The following SERPING1 variants were observed in gnomAD, a reference collection of about 807,000 sequenced individuals.
The protein encoded by SERPING1 is serpin family G member 1.
SERPING1 carries 5 observed loss-of-function variants against 34.1 expected under a neutral mutation model. The ratio of observed to expected loss-of-function variants is 0.15; its 90% CI spans 0.08 to 0.31. The LOEUF is 0.31. Ranked by LOEUF, SERPING1 falls within the 10% of genes least tolerant of loss-of-function variation. The probability of loss-of-function intolerance (pLI) is 1.00; values close to 1 mark genes in which losing one functional copy is unlikely to be tolerated. For synonymous variants in SERPING1, 225 were observed against 242.4 expected, an observed-to-expected ratio of 0.93 and a Z score of 0.67; for missense variants, 505 against 609.5, an observed-to-expected ratio of 0.83 and a Z score of 1.81.
At position 57,606,083 on chromosome 11, in the gene SERPING1, C is replaced by G; in HGVS notation, c.759C>G (p.Asn253Lys). The G allele has an allele frequency of 1.2e-6, 2 of 1,614,176 alleles. No homozygotes were observed. Among genetic ancestry groups the G allele is most frequent in the South Asian group, 2.2e-5 (2 of 91,076 alleles). ...GCAGCAGCCCCAGAGTCCTAAGCAACAACAGTGACGCCAACTTGGAGCTCA... is the reference window on the plus strand; with the variant it reads ...GCAGCAGCCCCAGAGTCCTAAGCAAGAACAGTGACGCCAACTTGGAGCTCA... ...LYSSSPRVLS[N>K]NSDANLELIN... The change falls in exon 5 of 8, where the codon AAC becomes AAG. Residue 253 changes from asparagine to lysine, a missense_variant. Coordinates refer to ENST00000278407, the MANE Select transcript of SERPING1 (RefSeq NM_000062.3).
chr11:57,608,099 A>G (rs781172679), intron 6 of SERPING1, among the ~76,000 whole-genome samples: 20 of 152,238 alleles, frequency 1.3e-4, no homozygotes, highest in Non-Finnish European at 1.2e-4. Context: ...TAAGGCACAG[A>G]AGAGTGAATA....
Position 57,614,379 on chromosome 11 carries a change from C to G in SERPING1, c.1301C>G (p.Pro434Arg). The G allele has an allele frequency of 6.2e-7, 1 of 1,614,088 alleles. No homozygotes were observed. Residue 434 changes from proline (P) to arginine (R), a missense_variant, in exon 8 of 8, where the codon CCA (proline) becomes CGA (arginine). By Grantham distance (103) the Pro-to-Arg change is moderately radical. Coordinates refer to ENST00000278407, the MANE Select transcript of SERPING1 (RefSeq NM_000062.3). ...AACCTGTGTGGGCTGACAGAGGACCCAGATCTTCAGGTTTCTGCGATGCAG... is the reference window on the plus strand; with the variant it reads ...AACCTGTGTGGGCTGACAGAGGACCGAGATCTTCAGGTTTCTGCGATGCAG... ...DLNLCGLTED[P>R]DLQVSAMQHQ...
chr11:57,610,813 C>T (rs115881723), intron 6 of SERPING1, among the ~76,000 whole-genome samples: 220 of 152,304 alleles, frequency 1.4e-3, no homozygotes, highest in African/African-American at 5.1e-3. Flanking sequence ...AAAATGTCTC[C>T]AGACATTACC....
intron 6 of SERPING1, among the ~76,000 whole-genome samples, chr11:57,608,816 G>GTT (rs368974252): frequency 7.2e-4 from 100 of 139,852 alleles, no homozygotes; most frequent in Admixed American, 9.4e-4. Context: ...CCCAGCCTGA[G>GTT]TTTTTTTTTT....
rs999669907 is a variant in SERPING1 at position 57,612,497 on chromosome 11, C to G, written c.1249+561C>G. On this transcript the variant is annotated intron_variant, in intron 7 of 7. Coordinates refer to ENST00000278407, the MANE Select transcript of SERPING1 (RefSeq NM_000062.3). ...GATCTCTGCTCACTGCAAGATCCGC[C>G]TCCCAGATTCACGCCATGCCATTCT... 3.3e-5 allele frequency among the ~76,000 whole-genome samples: 5 copies of G among 151,488 alleles called. 1 individual carries two copies. Among genetic ancestry groups the G allele is most frequent in the Admixed American group, 2.0e-4 (3 of 15,188 alleles).
At position 57,614,335 on chromosome 11, in the gene SERPING1, C is replaced by T. The variant is rs775042436; in HGVS notation, c.1257C>T (p.Phe419=). The change falls in exon 8 of 8, where the codon TTC becomes TTT. Residue 419 remains phenylalanine (F), a synonymous_variant. Coordinates refer to ENST00000278407, the MANE Select transcript of SERPING1 (RefSeq NM_000062.3). ...TCTCTGGTTTTGCCCTAGAATTCTT[C>T]GATTTTTCTTATGACCTTAACCTGT... ...MLSIMEKLEF[F]DFSYDLNLCG... 4.3e-6 allele frequency: 7 copies of T among 1,613,740 alleles called. No homozygotes were observed. The highest frequency in any genetic ancestry group is 1.3e-5 in the African/African-American group (1 of 75,038).
rs368990869 is a variant in SERPING1 at position 57,611,870 on chromosome 11, C to T, written c.1183C>T (p.Leu395Phe). 3 of 1,614,192 alleles carry T rather than the reference C, an allele frequency of 1.9e-6. No homozygotes were observed. Among genetic ancestry groups the T allele is most frequent in the Non-Finnish European group, 1.7e-6 (2 of 1,180,044 alleles). ...KLEMSKFQPT[L>F]LTLPRIKVTT... is the part of the protein sequence containing the mutation. ...GGAGATGTCCAAGTTCCAGCCCACT[C>T]TCCTAACACTACCCCGCATCAAAGT... is the stretch of plus-strand genomic sequence containing the variant. The change falls in exon 7 of 8, where the codon CTC becomes TTC. Residue 395 changes from leucine to phenylalanine, a missense_variant. Physicochemically the swap from Leu to Phe is conservative, Grantham distance 22. Coordinates refer to ENST00000278407, the MANE Select transcript of SERPING1 (RefSeq NM_000062.3).
chr11:57,613,839 A>C (rs1043359196), intron 7 of SERPING1, among the ~76,000 whole-genome samples: 5 of 151,944 alleles, frequency 3.3e-5, no homozygotes, highest in Admixed American at 2.6e-4. Flanking sequence ...CCTCATTAGC[A>C]CAAAAGGCAT....
At chr11:57,611,667 G>A (rs1945477182) in intron 6 of SERPING1, 50 bp from the exon 7 acceptor site, 7 of 1,535,114 alleles carry the variant, frequency 4.6e-6, no homozygotes, top group Non-Finnish European at 6.3e-6. Flanking sequence ...GGTGGGGCCA[G>A]GAGAGAGATG....
chr11:57,599,312 A>G (rs893072236), intron 2 of SERPING1, among the ~76,000 whole-genome samples: 3 of 152,002 alleles, frequency 2.0e-5, no homozygotes, highest in African/African-American at 4.8e-5. Context: ...TGGGAGTCAA[A>G]ATTGTTTCAG....
intron 1 of SERPING1, 101 bp from the exon 2 acceptor site, chr11:57,598,148 G>A: frequency 1.2e-6 from 1 of 836,698 alleles, no homozygotes; most frequent in Non-Finnish European, 1.9e-6. Context: ...TTCGCTAAGA[G>A]GGACTGGGGC....
chr11:57,606,270 G>A, intron 5 of SERPING1, 57 bp downstream of exon 5: 2 of 1,607,178 alleles, frequency 1.2e-6, no homozygotes, highest in African/African-American at 1.3e-5. Flanking sequence ...TCCCCTCCTG[G>A]CTTCAAAGCC....
chr11:57,602,734 G>C (rs533636326), intron 4 of SERPING1, among the ~76,000 whole-genome samples: 61 of 142,478 alleles, frequency 4.3e-4, no homozygotes, highest in African/African-American at 1.5e-3. Flanking sequence ...CAGCCTGGGC[G>C]ACAGAGCAAG....
intron 1 of SERPING1, 62 bp from the exon 2 acceptor site, chr11:57,598,187 C>A (rs919196001): frequency 4.4e-5 from 55 of 1,253,010 alleles, no homozygotes; most frequent in Middle Eastern, 2.9e-4. Flanking sequence ...GGGCCCCGGG[C>A]GGGGTGGGGG....
At chr11:57,611,647 T>G in intron 6 of SERPING1, 70 bp from the exon 7 acceptor site, 2 of 1,389,728 alleles carry the variant, frequency 1.4e-6, no homozygotes, top group South Asian at 2.3e-5. Context: ...AGGACAGCAT[T>G]GTGACAGAGG....
In SERPING1 at chr11:57,600,071, A is replaced by T. The variant is rs147409450; in HGVS notation, c.244A>T (p.Thr82Ser). The change falls in exon 3 of 8, where the codon ACC (threonine) becomes TCC (serine). Residue 82 changes from threonine to serine, a missense_variant. By Grantham distance (58) the Thr-to-Ser change is moderately conservative (BLOSUM62 1). Coordinates refer to ENST00000278407, the MANE Select transcript of SERPING1 (RefSeq NM_000062.3). ...TTCAGCCACCAAAATAACAGCTAATACCACTGATGAACCCACCACACAACC... is the reference window on the plus strand; with the variant it reads ...TTCAGCCACCAAAATAACAGCTAATTCCACTGATGAACCCACCACACAACC... ...TNSATKITANTTDEPTTQPTT... is the reference protein window; with the variant it reads ...TNSATKITANSTDEPTTQPTT... 137 of 1,613,758 alleles carry T rather than the reference A, an allele frequency of 8.5e-5. No homozygotes were observed. The Middle Eastern group carries it at 3.6e-3, about 43-fold the overall frequency.
chr11:57,599,671 G>A (rs542095417), intron 2 of SERPING1, among the ~76,000 whole-genome samples: 2 of 152,262 alleles, frequency 1.3e-5, no homozygotes, highest in Admixed American at 6.5e-5. Flanking sequence ...ACATTCCTGT[G>A]CACCCCCACC....
At chr11:57,598,168 A>G in intron 1 of SERPING1, 81 bp from the exon 2 acceptor site, 1 of 1,090,436 alleles carries the variant, frequency 9.2e-7, no homozygotes, top group Non-Finnish European at 1.3e-6. Context: ...CCTGAGACGG[A>G]ATGGGGGCGG....
intron 6 of SERPING1, among the ~76,000 whole-genome samples, chr11:57,607,035 T>A (rs964698397): frequency 1.3e-5 from 2 of 152,150 alleles, no homozygotes; most frequent in African/African-American, 4.8e-5. Context: ...GTTTGATGAG[T>A]AGGGAGGGAG....
Sources: allele counts gnomAD v4.1 joint callset (sites outside exome capture counted in the v4.1 genomes callset), GRCh38; gene constraint gnomAD v4.1.1; transcripts MANE v1.5; gene names NCBI Gene and HGNC (gene_info 2026-07-23, HGNC 2026-07-21).